The following NRG3 variants were observed in gnomAD, a reference collection of about 807,000 sequenced individuals.
NRG3 encodes neuregulin 3.
A neutral mutation model predicts 66.9 loss-of-function variants in NRG3; 31 were observed. The ratio of observed to expected loss-of-function variants is 0.46; its 90% CI spans 0.35 to 0.63. The LOEUF (loss-of-function observed/expected upper bound fraction) is 0.63, where lower values mean the gene tolerates loss of function less well. NRG3 is among the 20% of genes least tolerant of loss of function. The pLI is 0.00. For synonymous variants in NRG3, 393 were observed against 359.4 expected (o/e 1.09, Z -1.06); for missense variants, 910 against 878.9 (o/e 1.04, Z -0.45).
chr10:81,979,187 CA>C (rs34468792), intron 1 of NRG3, among the ~76,000 whole-genome samples: 15,661 of 81,940 alleles, frequency 0.19, 729 homozygotes, highest in East Asian at 0.33. Flanking sequence ...GACTCCGTCT[CA>C]AAAAAAAAAA....
At chr10:82,054,217 CAGTA>C (rs1324150720) in intron 1 of NRG3, among the ~76,000 whole-genome samples, 1 of 152,044 alleles carries the variant, frequency 6.6e-6, no homozygotes, top group African/African-American at 2.4e-5. Context: ...GACTGTGGTG[CAGTA>C]AGGCAGAAGG....
intron 1 of NRG3, among the ~76,000 whole-genome samples, chr10:82,274,091 T>A (rs1041629748): frequency 1.3e-5 from 2 of 152,068 alleles, no homozygotes; most frequent in African/African-American, 4.8e-5. Context: ...AGAGTGGATT[T>A]CAGAGGAGAA....
At chr10:82,103,960 A>G (rs2066910433) in intron 1 of NRG3, among the ~76,000 whole-genome samples, 1 of 149,136 alleles carries the variant, frequency 6.7e-6, no homozygotes, top group African/African-American at 2.5e-5. Context: ...TACTAGAAAG[A>G]TTTTTCTCGT....
intron 2 of NRG3, among the ~76,000 whole-genome samples, chr10:82,366,378 A>G (rs1046098627): frequency 1.2e-4 from 18 of 152,166 alleles, no homozygotes; most frequent in African/African-American, 3.4e-4. Flanking sequence ...TCGGTTTAAA[A>G]GTGGGGAGGG....
At chr10:82,349,702 C>G (rs1831868931) in intron 1 of NRG3, among the ~76,000 whole-genome samples, 1 of 152,054 alleles carries the variant, frequency 6.6e-6, no homozygotes, top group Admixed American at 6.5e-5. Context: ...GACTGCTGTG[C>G]TAGCAATCAG....
At chr10:81,955,184 A>T (rs186809668) in intron 1 of NRG3, among the ~76,000 whole-genome samples, 1 of 147,612 alleles carries the variant, frequency 6.8e-6, no homozygotes, top group East Asian at 1.9e-4. Context: ...TATATATATT[A>T]TATATATATA....
At chr10:82,646,945 G>A (rs1239435630) in intron 2 of NRG3, among the ~76,000 whole-genome samples, 1 of 147,426 alleles carries the variant, frequency 6.8e-6, no homozygotes, top group East Asian at 2.0e-4. Flanking sequence ...TTAAACTTTT[G>A]CATTTCTTTT....
chr10:82,072,385 T>A (rs2064857874), intron 1 of NRG3, among the ~76,000 whole-genome samples: 1 of 152,248 alleles, frequency 6.6e-6, no homozygotes. Context: ...GGTTCCCATC[T>A]ACTTCAGTAA....
chr10:82,261,951 C>T (rs1229579063), intron 1 of NRG3, among the ~76,000 whole-genome samples: 3 of 152,116 alleles, frequency 2.0e-5, no homozygotes, highest in South Asian at 2.1e-4. Flanking sequence ...CTGTGCCTGA[C>T]ACTAAACAGA....
At chr10:82,508,579 T>C (rs1703568750) in intron 2 of NRG3, among the ~76,000 whole-genome samples, 1 of 152,216 alleles carries the variant, frequency 6.6e-6, no homozygotes, top group African/African-American at 2.4e-5. Context: ...AGACTACTTT[T>C]TAGACTCCAC....
intron 2 of NRG3, among the ~76,000 whole-genome samples, chr10:82,424,017 A>G (rs2089254683): frequency 6.6e-6 from 1 of 152,056 alleles, no homozygotes; most frequent in African/African-American, 2.4e-5. Flanking sequence ...TGGGTATATC[A>G]GATTTTCTTT....
At chr10:82,427,611 A>G (rs1446225802) in intron 2 of NRG3, among the ~76,000 whole-genome samples, 3 of 151,976 alleles carry the variant, frequency 2.0e-5, no homozygotes, top group Non-Finnish European at 4.4e-5. Flanking sequence ...TGTATTTTGT[A>G]TGTCTATGTT....
chr10:82,405,098 G>T (rs891782478), intron 2 of NRG3, among the ~76,000 whole-genome samples: 1 of 152,164 alleles, frequency 6.6e-6, no homozygotes, highest in African/African-American at 2.4e-5. Flanking sequence ...AATTGGGATG[G>T]TGTGTGGTTG....
chr10:82,192,972 T>TGAGA (rs5786538), intron 1 of NRG3, among the ~76,000 whole-genome samples: 21 of 139,788 alleles, frequency 1.5e-4, no homozygotes, highest in Non-Finnish European at 2.5e-4. Flanking sequence ...AGGAAGAAAG[T>TGAGA]GAGAGAGAGA....
intron 1 of NRG3, among the ~76,000 whole-genome samples, chr10:81,919,433 G>T (rs1297766852): frequency 6.6e-6 from 1 of 152,108 alleles, no homozygotes; most frequent in African/African-American, 2.4e-5. Flanking sequence ...GTCAGGATTG[G>T]TAGCAGCGTG....
At chr10:82,226,543 A>G (rs75270822) in intron 1 of NRG3, among the ~76,000 whole-genome samples, 364 of 152,220 alleles carry the variant, frequency 2.4e-3, no homozygotes, top group African/African-American at 8.2e-3. Context: ...TTTGTTTATT[A>G]TATTAAAAAT....
intron 1 of NRG3, among the ~76,000 whole-genome samples, chr10:82,251,928 A>G (rs2134107115): frequency 1.8e-5 from 1 of 56,310 alleles, no homozygotes; most frequent in South Asian, 8.9e-4. Flanking sequence ...CCCCTGAGCA[A>G]TGGTGTGGGG....
intron 1 of NRG3, among the ~76,000 whole-genome samples, chr10:82,280,262 T>A (rs894230488): frequency 7.2e-5 from 11 of 152,184 alleles, no homozygotes; most frequent in African/African-American, 2.7e-4. Flanking sequence ...TGATATTAAA[T>A]AGGGCACAAG....
chr10:82,532,577 A>G (rs1381616034), intron 2 of NRG3, among the ~76,000 whole-genome samples: 1 of 147,928 alleles, frequency 6.8e-6, no homozygotes, highest in East Asian at 2.0e-4. Flanking sequence ...ATATGTATAT[A>G]TGTATATAGT....
Sources: gnomAD v4.1 joint callset for allele counts (sites outside exome capture counted in the v4.1 genomes callset) on GRCh38, gnomAD v4.1.1 for gene constraint, MANE v1.5 for transcripts, NCBI Gene and HGNC (gene_info 2026-07-23, HGNC 2026-07-21) for gene names.